Variants in BRINP1 observed in about 807,000 individuals in gnomAD.
BRINP1 encodes BMP/retinoic acid inducible neural specific 1.
Under a neutral mutation model 72.9 loss-of-function variants are expected in BRINP1, and 17 were observed. The ratio of observed to expected loss-of-function variants is 0.23; its 90% CI spans 0.16 to 0.35. The LOEUF is 0.35. BRINP1 is among the 10% of genes least tolerant of loss of function. The pLI, the probability that BRINP1 is intolerant of heterozygous loss-of-function variation, is 1.00. For missense variants in BRINP1, 850 were observed against 1,001.6 expected, an observed-to-expected ratio of 0.85 and a Z score of 2.04; for synonymous variants, 418 against 378.5, an observed-to-expected ratio of 1.10 and a Z score of -1.21.
intron 5 of BRINP1, among the ~76,000 whole-genome samples, chr9:119,216,347 A>T (rs939768026): frequency 7.9e-5 from 12 of 152,194 alleles, no homozygotes; most frequent in Non-Finnish European, 1.6e-4. Flanking sequence ...ACAGTTGAAC[A>T]ACGGGCTGCT....
Position 119,180,709 on chromosome 9 carries a change from T to TAACA in BRINP1, c.1146-12489_1146-12486dup, listed in dbSNP as rs541020756. On this transcript the variant is annotated intron_variant, in intron 7 of 7. Coordinates refer to ENST00000265922, the MANE Select transcript of BRINP1 (RefSeq NM_014618.3). ...TTAATCATTACCCTCTTTGAGTTTCTAACATTGCTTTAATAACCTGTTTTT... is the reference window on the plus strand; with the variant it reads ...TTAATCATTACCCTCTTTGAGTTTCTAACAAACATTGCTTTAATAACCTGTTTTT... Among the ~76,000 whole-genome samples the TAACA allele has an allele frequency of 5.4e-3, 826 of 152,356 alleles. 7 individuals carry two copies. The highest frequency in any genetic ancestry group is 9.5e-3 in the Non-Finnish European group (646 of 68,032).
intron 7 of BRINP1, among the ~76,000 whole-genome samples, chr9:119,177,338 A>G (rs1189687687): frequency 6.6e-6 from 1 of 152,156 alleles, no homozygotes; most frequent in Non-Finnish European, 1.5e-5. Context: ...GAGCTGGAAT[A>G]ATAATGAGCT....
Position 119,313,378 on chromosome 9 carries a change from T to G in BRINP1, c.-23A>C. 6.2e-7 allele frequency: 1 copy of G among 1,612,352 alleles called. No homozygotes were observed. ...CATGCTTTTCTGCCGGCCTTTTTCC[T>G]CTCATTCTTGCTCCATTCTGTGGAG... On this transcript the variant is annotated 5_prime_UTR_variant, in exon 2 of 8. Coordinates refer to ENST00000265922, the MANE Select transcript of BRINP1 (RefSeq NM_014618.3).
chr9:119,209,815 G>A (rs1195404012), intron 6 of BRINP1, among the ~76,000 whole-genome samples: 1 of 152,198 alleles, frequency 6.6e-6, no homozygotes, highest in Non-Finnish European at 1.5e-5. Flanking sequence ...ACTTTTTGAT[G>A]TAATCTGCAG....
chr9:119,194,877 C>A (rs1459431387), intron 7 of BRINP1, among the ~76,000 whole-genome samples: 10 of 152,148 alleles, frequency 6.6e-5, no homozygotes, highest in African/African-American at 1.9e-4. Context: ...AAACTCCTGA[C>A]CCCTGGAAAC....
intron 3 of BRINP1, among the ~76,000 whole-genome samples, chr9:119,244,596 A>ATGTTCCT (rs1283907650): frequency 6.6e-6 from 1 of 152,206 alleles, no homozygotes; most frequent in Non-Finnish European, 1.5e-5. Flanking sequence ...TAAATGTTCC[A>ATGTTCCT]TGTGTCAGCT....
At chr9:119,260,236 T>C (rs1564231389) in intron 2 of BRINP1, among the ~76,000 whole-genome samples, 1 of 152,180 alleles carries the variant, frequency 6.6e-6, no homozygotes, top group Non-Finnish European at 1.5e-5. Context: ...AAAGACCAAA[T>C]GTGTCCCACT....
intron 2 of BRINP1, among the ~76,000 whole-genome samples, chr9:119,294,090 C>T (rs1488948094): frequency 6.6e-6 from 1 of 152,034 alleles, no homozygotes; most frequent in Non-Finnish European, 1.5e-5. Context: ...AATAAACATA[C>T]AGAAATCTGT....
intron 1 of BRINP1, among the ~76,000 whole-genome samples, chr9:119,317,230 A>G (rs1831134063): frequency 1.3e-5 from 2 of 152,192 alleles, no homozygotes; most frequent in South Asian, 2.1e-4. Flanking sequence ...TGCCATTAAG[A>G]ACATTTGTGA....
chr9:119,273,870 A>G (rs1830629763), intron 2 of BRINP1, among the ~76,000 whole-genome samples: 1 of 152,218 alleles, frequency 6.6e-6, no homozygotes, highest in Non-Finnish European at 1.5e-5. Flanking sequence ...CAGCTAGATC[A>G]AATCTCTTTA....
chr9:119,199,033 T>C (rs1273537667), intron 7 of BRINP1, among the ~76,000 whole-genome samples: 2 of 152,198 alleles, frequency 1.3e-5, no homozygotes, highest in Non-Finnish European at 2.9e-5. Context: ...TTTTCCCATA[T>C]ATCATATGAA....
chr9:119,277,060 T>C (rs1490677987), intron 2 of BRINP1, among the ~76,000 whole-genome samples: 1 of 152,184 alleles, frequency 6.6e-6, no homozygotes, highest in African/African-American at 2.4e-5. Flanking sequence ...AATGAAATCA[T>C]AGAGTGTGTA....
chr9:119,290,383 A>ATTC (rs1196888102), intron 2 of BRINP1, among the ~76,000 whole-genome samples: 2 of 152,244 alleles, frequency 1.3e-5, no homozygotes, highest in Non-Finnish European at 2.9e-5. Flanking sequence ...TATTATTATT[A>ATTC]TTCTTGAGTG....
intron 1 of BRINP1, among the ~76,000 whole-genome samples, chr9:119,329,217 T>A (rs1433967319): frequency 6.6e-6 from 1 of 152,170 alleles, no homozygotes. Context: ...AAGTTTTGTG[T>A]TTGAATCCAA....
chr9:119,256,202 C>T (rs1564230429), intron 2 of BRINP1, among the ~76,000 whole-genome samples: 2 of 152,052 alleles, frequency 1.3e-5, no homozygotes, highest in Non-Finnish European at 2.9e-5. Context: ...CAAGGACAGG[C>T]TTAGGATTAT....
intron 2 of BRINP1, among the ~76,000 whole-genome samples, chr9:119,288,003 G>C (rs865810315): frequency 6.6e-6 from 1 of 151,912 alleles, no homozygotes; most frequent in Non-Finnish European, 1.5e-5. Context: ...TAAAAAAAAA[G>C]AAAAACCACA....
rs891991258 is a variant in BRINP1, at chr9:119,365,288, A to G, written c.-51+3768T>C. 2.0e-5 allele frequency among the ~76,000 whole-genome samples: 3 copies of G among 152,342 alleles called. No individual in the cohort carries two copies. The East Asian group carries it at 5.8e-4, about 29-fold the overall frequency. On this transcript the variant is annotated intron_variant, in intron 1 of 7. Coordinates refer to ENST00000265922, the MANE Select transcript of BRINP1 (RefSeq NM_014618.3). Reference sequence around the variant, plus strand: ...CGTGGCTGAATGTGGGAGATGGTGGAAAGAATAATAAAGATAATCTTTGCA... The same window carrying G: ...CGTGGCTGAATGTGGGAGATGGTGGGAAGAATAATAAAGATAATCTTTGCA...
intron 7 of BRINP1, among the ~76,000 whole-genome samples, chr9:119,190,973 G>C (rs912418242): frequency 3.3e-5 from 5 of 151,780 alleles, no homozygotes. Context: ...ACGCAAGGCT[G>C]GTTTAATATA....
chr9:119,190,524 T>C (rs182387452), intron 7 of BRINP1, among the ~76,000 whole-genome samples: 1 of 151,912 alleles, frequency 6.6e-6, no homozygotes, highest in Admixed American at 6.6e-5. Context: ...TTATGAACAA[T>C]TATATGCCAA....
Sources: allele counts gnomAD v4.1 joint callset (sites outside exome capture counted in the v4.1 genomes callset), GRCh38; gene constraint gnomAD v4.1.1; transcripts MANE v1.5; gene names NCBI Gene and HGNC (gene_info 2026-07-23, HGNC 2026-07-21).